Variants in MID1 observed in about 807,000 individuals in gnomAD.
The protein encoded by MID1 is midline 1.
A neutral mutation model predicts 40.4 loss-of-function variants in MID1; 7 were observed. The observed-to-expected ratio is 0.17, with a 90% CI of 0.10 to 0.33. MID1 has a LOEUF of 0.33. MID1 is among the 10% of genes least tolerant of loss of function. The probability of loss-of-function intolerance (pLI) is 1.00; values close to 1 mark genes in which losing one functional copy is unlikely to be tolerated. For missense variants in MID1, 367 were observed against 558.5 expected (o/e 0.66, Z 3.46); for synonymous variants, 229 against 221.2 (o/e 1.04, Z -0.31).
chrX:10,780,730 G>A (rs1235172881), intron 1 of MID1, among the ~76,000 whole-genome samples: 2 of 111,495 alleles, frequency 1.8e-5, no homozygotes, highest in Admixed American at 9.6e-5. Context: ...TTACAGCTGC[G>A]GTCCCCAAAC....
At chrX:10,638,428 C>T (rs1471941831) in intron 1 of MID1, among the ~76,000 whole-genome samples, 5 of 111,905 alleles carry the variant, frequency 4.5e-5, no homozygotes, top group Non-Finnish European at 1.9e-5. Flanking sequence ...AATCTGAGAT[C>T]GAACTGCAAG....
chrX:10,633,895 A>G (rs1936079907), intron 1 of MID1, among the ~76,000 whole-genome samples: 1 of 111,612 alleles, frequency 9.0e-6, no homozygotes, highest in African/African-American at 3.3e-5. Flanking sequence ...TTGCCTAAGA[A>G]ATGTGAGACA....
intron 1 of MID1, among the ~76,000 whole-genome samples, chrX:10,653,431 G>A (rs764163700): frequency 8.9e-6 from 1 of 112,010 alleles, no homozygotes; most frequent in Admixed American, 9.4e-5. Context: ...AATAAACTCT[G>A]GTGCGGTAAC....
chrX:10,549,411 G>A (rs1933822810), intron 2 of MID1, among the ~76,000 whole-genome samples: 1 of 113,242 alleles, frequency 8.8e-6, no homozygotes. Context: ...CTAAACCAGA[G>A]GTTGGCAAAC....
In MID1 at chrX:10,693,592, C is replaced by T. The variant is rs922090493; in HGVS notation, c.-186-73173G>A. ...AGCTTTGGAGAAAGAAATATATATT[C>T]AGAGAGGCTAAATGACTATCAAATA... On this transcript the variant is annotated intron_variant, in intron 1 of 10. Transcript: ENST00000380785. Among the ~76,000 whole-genome samples the T allele has an allele frequency of 3.5e-4, 39 of 111,543 alleles. 1 individual carries two copies. Among genetic ancestry groups the T allele is most frequent in the African/African-American group, 1.3e-3 (39 of 30,706 alleles).
chrX:10,501,290 T>C (rs753094746), intron 3 of MID1: 3 of 713,574 alleles, frequency 4.2e-6, no homozygotes, highest in East Asian at 7.1e-5. Context: ...AATACTATGG[T>C]TTTTTCTCAC....
At chrX:10,596,904 G>C (rs1354253657) in intron 1 of MID1, among the ~76,000 whole-genome samples, 1 of 111,253 alleles carries the variant, frequency 9.0e-6, no homozygotes, top group Admixed American at 9.6e-5. Flanking sequence ...TAAGAAGAAT[G>C]CAACAATAAA....
chrX:10,556,343 T>A (rs1001135792), intron 2 of MID1, among the ~76,000 whole-genome samples: 1 of 111,308 alleles, frequency 9.0e-6, no homozygotes, highest in Admixed American at 9.6e-5. Context: ...GCCACCCGCA[T>A]CCCCAGACTT....
intron 1 of MID1, among the ~76,000 whole-genome samples, chrX:10,725,281 A>G (rs1166650814): frequency 9.0e-6 from 1 of 111,691 alleles, no homozygotes; most frequent in Non-Finnish European, 1.9e-5. Context: ...CCGCTAGGTG[A>G]AGATTGCATC....
intron 3 of MID1, among the ~76,000 whole-genome samples, chrX:10,516,560 TTGTGTGTGTGTGTG>T (rs57101806): frequency 2.8e-3 from 204 of 73,356 alleles, no homozygotes; most frequent in Non-Finnish European, 3.7e-3. Context: ...TACTCTGCTC[TTGTGTGTGTGTGTG>T]TGTGTGTGTG....
At chrX:10,514,373 T>C (rs753892457) in intron 3 of MID1, among the ~76,000 whole-genome samples, 3 of 112,301 alleles carry the variant, frequency 2.7e-5, no homozygotes, top group Non-Finnish European at 5.6e-5. Flanking sequence ...TCCAAAATAC[T>C]CAAAGATTTT....
intron 1 of MID1, among the ~76,000 whole-genome samples, chrX:10,718,559 C>A (rs1278519625): frequency 9.0e-6 from 1 of 111,566 alleles, no homozygotes; most frequent in Non-Finnish European, 1.9e-5. Flanking sequence ...TAATTAATAG[C>A]TTACCAACCA....
chrX:10,788,968 C>CAAAACA (rs1159577345), intron 1 of MID1, among the ~76,000 whole-genome samples: 6 of 110,984 alleles, frequency 5.4e-5, no homozygotes, highest in East Asian at 2.8e-4. Context: ...TTGTCTCTAC[C>CAAAACA]AAAACAAAAA....
Position 10,525,613 on chromosome X carries a change from C to T in MID1, c.661-2426G>A, listed in dbSNP as rs1932815475. Among the ~76,000 whole-genome samples, 2 of 112,293 alleles carry T rather than the reference C, an allele frequency of 1.8e-5. 1 individual carries two copies. The highest frequency in any genetic ancestry group is 7.4e-4 in the South Asian group (2 of 2,710). On this transcript the variant is annotated intron_variant, in intron 2 of 9. Coordinates refer to ENST00000317552, the MANE Select transcript of MID1 (RefSeq NM_000381.4). ...TGATTTGGGGATTGACATAGCCCAG[C>T]CAGATAAGAAGCATATTCTGAGGTT...
At chrX:10,541,255 A>C (rs1933457506) in intron 2 of MID1, among the ~76,000 whole-genome samples, 1 of 112,161 alleles carries the variant, frequency 8.9e-6, no homozygotes, top group Non-Finnish European at 1.9e-5. Flanking sequence ...ACATGTTAGC[A>C]GGTGAAATTA....
intron 9 of MID1, among the ~76,000 whole-genome samples, chrX:10,452,472 C>T (rs1394950489): frequency 6.3e-5 from 7 of 111,914 alleles, no homozygotes; most frequent in Admixed American, 9.5e-5. Context: ...CAGTGAGACA[C>T]GGAGAATTCA....
chrX:10,609,892 G>A (rs1247391984), intron 1 of MID1, among the ~76,000 whole-genome samples: 1 of 109,993 alleles, frequency 9.1e-6, no homozygotes, highest in East Asian at 2.8e-4. Flanking sequence ...TAATTTTTTT[G>A]TATTTTTAGT....
chrX:10,649,404 T>A (rs749505094), intron 1 of MID1, among the ~76,000 whole-genome samples: 1 of 112,028 alleles, frequency 8.9e-6, no homozygotes, highest in Non-Finnish European at 1.9e-5. Context: ...GAAGGGAAGA[T>A]GTGAGAATAT....
intron 3 of MID1, chrX:10,501,618 A>G (rs1931548585): frequency 1.0e-6 from 1 of 989,259 alleles, no homozygotes; most frequent in Non-Finnish European, 1.4e-6. Flanking sequence ...CACAACAATC[A>G]TATCTGGCCT....
Sources: gnomAD v4.1 joint callset for allele counts (sites outside exome capture counted in the v4.1 genomes callset) on GRCh38, gnomAD v4.1.1 for gene constraint, MANE v1.5 for transcripts, NCBI Gene and HGNC (gene_info 2026-07-23, HGNC 2026-07-21) for gene names.